APBB2: variants seen among roughly 807,000 people sequenced by gnomAD.
APBB2 encodes the protein amyloid beta precursor protein binding family B member 2.
Under a neutral mutation model 82.5 loss-of-function variants are expected in APBB2, and 38 were observed. The observed-to-expected ratio is 0.46, with a 90% CI of 0.36 to 0.60. APBB2 has a LOEUF of 0.60. Among genes scored for constraint, APBB2 ranks in the 20% least tolerant of loss-of-function variants. APBB2 has a pLI of 0.00. For missense variants in APBB2, 772 were observed against 972.3 expected (o/e 0.79, Z 2.74); for synonymous variants, 341 against 368.2 (o/e 0.93, Z 0.85).
intron 10 of APBB2, among the ~76,000 whole-genome samples, chr4:40,901,159 G>C (rs557202773): frequency 3.9e-5 from 6 of 152,282 alleles, no homozygotes; most frequent in Non-Finnish European, 7.4e-5. Flanking sequence ...ATCTTGGTGA[G>C]CCTCAGTTTC....
chr4:40,822,230 C>T, intron 16 of APBB2, 180 bp from the exon 17 acceptor site: 1 of 645,980 alleles, frequency 1.5e-6, no homozygotes, highest in Non-Finnish European at 2.6e-6. Flanking sequence ...GCATGGCTAC[C>T]CTGTTCTGGA....
At chr4:41,023,459 C>T (rs888320599) in intron 5 of APBB2, among the ~76,000 whole-genome samples, 5 of 152,036 alleles carry the variant, frequency 3.3e-5, no homozygotes, top group East Asian at 1.9e-4. Context: ...AAAGCTCTTT[C>T]GGCTGATAAA....
chr4:41,014,162 C>G lies in APBB2; in HGVS notation c.256G>C (p.Ala86Pro). ...QAAMGLSDPAAQPLLGNGSAN... is the reference protein window; with the variant it reads ...QAAMGLSDPAPQPLLGNGSAN... ...GAGCCATTTCCCAGCAGGGGCTGTG[C>G]AGCTGGATCCGAGAGGCCCATGGCC... is the stretch of plus-strand genomic sequence containing the variant. The change falls in exon 6 of 18, where the codon GCA (alanine) becomes CCA (proline). Residue 86 changes from alanine (A) to proline (P), a missense_variant. Coordinates refer to ENST00000508593, the MANE Select transcript of APBB2 (RefSeq NM_004307.2). 1 of 1,614,230 alleles carries G rather than the reference C, an allele frequency of 6.2e-7. No homozygotes were observed.
At chr4:41,146,462 C>T (rs1348572616) in intron 1 of APBB2, among the ~76,000 whole-genome samples, 1 of 151,952 alleles carries the variant, frequency 6.6e-6, no homozygotes, top group Non-Finnish European at 1.5e-5. Context: ...CCACTGCACT[C>T]CAGCCTGGGC....
intron 6 of APBB2, among the ~76,000 whole-genome samples, chr4:40,975,675 A>T (rs189844294): frequency 6.6e-6 from 1 of 151,914 alleles, no homozygotes; most frequent in Non-Finnish European, 1.5e-5. Context: ...TAGCAAGAGA[A>T]CCATCACGTC....
chr4:40,907,689 T>C (rs1777406387), intron 10 of APBB2, among the ~76,000 whole-genome samples: 1 of 148,268 alleles, frequency 6.7e-6, no homozygotes, highest in Admixed American at 6.8e-5. Context: ...TTTTTTTTTT[T>C]TTTGAGACAG....
intron 10 of APBB2, among the ~76,000 whole-genome samples, chr4:40,912,873 G>A (rs1778916725): frequency 6.6e-6 from 1 of 152,182 alleles, no homozygotes; most frequent in South Asian, 2.1e-4. Context: ...AGATGTCTGC[G>A]CTACTGGGAA....
rs1752273268 is a variant in APBB2 at position 40,832,252 on chromosome 4, G to T, written c.1530-1675C>A. 6.6e-6 allele frequency among the ~76,000 whole-genome samples: 1 copy of T among 152,148 alleles called. No individual in the cohort carries two copies. The highest frequency in any genetic ancestry group is 6.5e-5 in the Admixed American group (1 of 15,280). On this transcript the variant is annotated intron_variant, in intron 12 of 17. Transcript: ENST00000508593. The surrounding 1 kb of genome is among the most constrained non-coding windows in gnomAD (Gnocchi z 4.8). Reference sequence around the variant, plus strand: ...CTTGGCGGCCTTGGGAAGGGACAGGGATTTACTATAGCAGGCAACTGGCCA... The same window carrying T: ...CTTGGCGGCCTTGGGAAGGGACAGGTATTTACTATAGCAGGCAACTGGCCA...
At chr4:41,025,519 G>A (rs1307150790) in intron 5 of APBB2, among the ~76,000 whole-genome samples, 2 of 151,668 alleles carry the variant, frequency 1.3e-5, no homozygotes, top group South Asian at 4.2e-4. Context: ...TATACTCAGA[G>A]GAATATAAAT....
chr4:41,083,796 T>G (rs187534446), intron 3 of APBB2, among the ~76,000 whole-genome samples: 1 of 151,846 alleles, frequency 6.6e-6, no homozygotes, highest in Non-Finnish European at 1.5e-5. Flanking sequence ...CAGTGATCAT[T>G]AACAGTAACT....
chr4:41,134,189 C>T (rs1756892120), intron 2 of APBB2, among the ~76,000 whole-genome samples: 1 of 151,958 alleles, frequency 6.6e-6, no homozygotes, highest in Non-Finnish European at 1.5e-5. Flanking sequence ...CCTATGTTAT[C>T]CAGGCTGGTC....
intron 2 of APBB2, among the ~76,000 whole-genome samples, chr4:41,135,789 A>C (rs1344397046): frequency 6.6e-6 from 1 of 152,230 alleles, no homozygotes; most frequent in Non-Finnish European, 1.5e-5. Context: ...TCCTCATTAC[A>C]GATGTATACA....
Position 40,815,866 on chromosome 4 carries a change from TG to T in APBB2, c.*225del. 2.0e-6 allele frequency: 1 copy of T among 510,814 alleles called. No homozygotes were observed. The highest frequency in any genetic ancestry group is 3.0e-5 in the East Asian group (1 of 33,596). The allele number at this position is 510,814 out of a possible 1,614,324, so 31.6% of individuals were successfully genotyped here. On this transcript the variant is annotated 3_prime_UTR_variant, in exon 18 of 18. Transcript: ENST00000508593. ...TTACAATAAGAAAAAGACCTTCCAC[TG>T]CGCATGATGTAACTTACAGCAAAAA... is the stretch of plus-strand genomic sequence containing the variant.
intron 1 of APBB2, among the ~76,000 whole-genome samples, chr4:41,198,236 G>A: frequency 6.6e-6 from 1 of 152,148 alleles, no homozygotes; most frequent in African/African-American, 2.4e-5. Context: ...CTACCACAAG[G>A]AACATGTCCT....
At chr4:40,910,028 C>A (rs1011410342) in intron 10 of APBB2, among the ~76,000 whole-genome samples, 2 of 152,178 alleles carry the variant, frequency 1.3e-5, no homozygotes, top group Non-Finnish European at 2.9e-5. Flanking sequence ...CTGAGGTTCA[C>A]CGCAACCTCT....
chr4:40,818,411 T>G lies in APBB2; in HGVS notation c.2113-2152A>C, dbSNP rs549119082. On this transcript the variant is annotated intron_variant, in intron 17 of 17. Coordinates refer to ENST00000508593, the MANE Select transcript of APBB2 (RefSeq NM_004307.2). The stretch of plus-strand genomic sequence containing the variant: ...AGAAAACCAACTGTAGCCAAAGAGA[T>G]AAAACTCATTGTCGTTATCACTTAA... Among the ~76,000 whole-genome samples, 3 of 152,346 alleles carry G rather than the reference T, an allele frequency of 2.0e-5. No individual in the cohort carries two copies. The East Asian group carries it at 5.8e-4, about 29-fold the overall frequency.
intron 5 of APBB2, among the ~76,000 whole-genome samples, chr4:41,024,138 G>C (rs1712952904): frequency 6.6e-6 from 1 of 152,162 alleles, no homozygotes; most frequent in South Asian, 2.1e-4. Context: ...ATATGCAAAA[G>C]ATTGAAGCTG....
chr4:41,195,345 A>T, intron 1 of APBB2, among the ~76,000 whole-genome samples: 1 of 152,198 alleles, frequency 6.6e-6, no homozygotes, highest in Non-Finnish European at 1.5e-5. Flanking sequence ...TAAGATCCTC[A>T]GAATTGTCCT....
At chr4:40,898,891 GC>G (rs1363281686) in intron 10 of APBB2, among the ~76,000 whole-genome samples, 5 of 142,032 alleles carry the variant, frequency 3.5e-5, no homozygotes, top group Non-Finnish European at 6.0e-5. Flanking sequence ...AGAACACTGG[GC>G]CCCTTCCCCA....
Sources: gnomAD v4.1 joint callset for allele counts (sites outside exome capture counted in the v4.1 genomes callset) on GRCh38, gnomAD v4.1.1 for gene constraint, Gnocchi (gnomAD v3.1) non-coding constraint, MANE v1.5 for transcripts, NCBI Gene and HGNC (gene_info 2026-07-23, HGNC 2026-07-21) for gene names.